Variants in SH2D3A observed in about 807,000 individuals in gnomAD.
The protein encoded by SH2D3A is SH2 domain-containing protein 3A.
In SH2D3A, 46 loss-of-function variants were observed where a neutral mutation model predicts 50.6. The ratio of observed to expected loss-of-function variants is 0.91; its 90% CI spans 0.72 to 1.16. The LOEUF (loss-of-function observed/expected upper bound fraction) is 1.16, where lower values mean the gene tolerates loss of function less well. Among genes scored for constraint, SH2D3A ranks in the 50% most tolerant of loss-of-function variants. The pLI is 0.00. For missense variants in SH2D3A, 783 were observed against 786.2 expected, an observed-to-expected ratio of 1.00 and a Z score of 0.05; for synonymous variants, 377 against 348.4, an observed-to-expected ratio of 1.08 and a Z score of -0.91.
rs1036351117 is a variant in SH2D3A at position 6,761,326 on chromosome 19, T to C, written c.70-339A>G. 2.0e-5 allele frequency among the ~76,000 whole-genome samples: 3 copies of C among 152,310 alleles called. No homozygotes were observed. The South Asian group carries it at 6.2e-4, about 32-fold the overall frequency. On this transcript the variant is annotated intron_variant, in intron 2 of 9. Transcript: ENST00000245908. ...GTTGTGTCCCCTGTCTGTCAGCTGA[T>C]ATCCCCCAAAGCCCAGAGGGATGAC...
intron 4 of SH2D3A, among the ~76,000 whole-genome samples, chr19:6,756,876 C>T (rs1969711717): frequency 6.6e-6 from 1 of 151,794 alleles, no homozygotes; most frequent in Admixed American, 6.6e-5. Flanking sequence ...TCCTTCCTTC[C>T]TTTCTTTTCT....
At chr19:6,762,778 CA>C in intron 2 of SH2D3A, among the ~76,000 whole-genome samples, 1 of 151,772 alleles carries the variant, frequency 6.6e-6, no homozygotes, top group East Asian at 1.9e-4. Context: ...CTCAGCCTCC[CA>C]AAGTGCTGGG....
intron 9 of SH2D3A, 53 bp from the exon 10 acceptor site, chr19:6,752,806 C>T: frequency 2.1e-6 from 3 of 1,460,692 alleles, no homozygotes; most frequent in South Asian, 1.4e-5. Context: ...CCGCCTCGCC[C>T]CTCCCAACCT....
intron 1 of SH2D3A, among the ~76,000 whole-genome samples, chr19:6,766,037 C>T (rs1970289520): frequency 1.3e-5 from 2 of 152,194 alleles, no homozygotes; most frequent in African/African-American, 4.8e-5. Flanking sequence ...GCTCTCCCTG[C>T]AGCCCTGCAA....
rs1347170069 is a variant in SH2D3A at position 6,759,641 on chromosome 19, G to T, written c.449C>A (p.Ala150Glu). Residue 150 changes from alanine to glutamate, a missense_variant, in exon 4 of 10, where the codon GCA (alanine) becomes GAA (glutamate). By Grantham distance (107) the Ala-to-Glu change is moderately radical. Transcript: ENST00000245908. ...TGACCGCCCCATATGTGCCAAATCT[G>T]CAGGCTGACTGTTGCTCCACTTCCT... is the stretch of plus-strand genomic sequence containing the variant. ...RARKWSNSQP[A>E]DLAHMGRSRE... 1.9e-6 allele frequency: 3 copies of T among 1,613,768 alleles called. No individual in the cohort carries two copies. In the African/African-American group the frequency reaches 4.0e-5, roughly 22 times the overall value.
chr19:6,756,714 C>G (rs1969700676), intron 4 of SH2D3A, among the ~76,000 whole-genome samples: 1 of 151,916 alleles, frequency 6.6e-6, no homozygotes, highest in African/African-American at 2.4e-5. Flanking sequence ...CCAACAGTGC[C>G]TGGCTCACTC....
chr19:6,763,607 G>A, intron 2 of SH2D3A, 73 bp downstream of exon 2: 1 of 1,437,510 alleles, frequency 7.0e-7, no homozygotes, highest in Non-Finnish European at 9.6e-7. Context: ...CTCATCCAGG[G>A]ACCCAGGAAT....
intron 4 of SH2D3A, chr19:6,758,289 TTTTG>T (rs914311285): frequency 7.8e-5 from 12 of 153,830 alleles, no homozygotes; most frequent in Non-Finnish European, 1.3e-4. Context: ...CCTTACTGTT[TTTTG>T]TTTGTTTGTT....
rs757172703 is a variant in SH2D3A at position 6,755,239 on chromosome 19, C to G, written c.573G>C (p.Leu191=). The G allele has an allele frequency of 6.5e-7, 1 of 1,533,330 alleles. No homozygotes were observed. The allele number at this position is 1,533,330 out of a possible 1,614,324, so 95.0% of individuals were successfully genotyped here. A position where few individuals can be genotyped will look rare whatever the true frequency, so the allele number is the denominator to read the frequency against. Residue 191 remains leucine (L), a synonymous_variant, in exon 5 of 10, where the codon CTG becomes CTC. Coordinates refer to ENST00000245908, the MANE Select transcript of SH2D3A (RefSeq NM_005490.3). ...DPVLLKAPAP[L]GTVADSLRAS... ...CCCTGAGACTGTCGGCAACAGTTCC[C>G]AGGGGAGCAGGGGCCTTCAGCAACA...
At chr19:6,761,809 C>T (rs1040547857) in intron 2 of SH2D3A, among the ~76,000 whole-genome samples, 5 of 151,716 alleles carry the variant, frequency 3.3e-5, no homozygotes, top group East Asian at 1.9e-4. Context: ...ATTAGCTGAG[C>T]GTGGTGGTGT....
intron 4 of SH2D3A, 75 bp from the exon 5 acceptor site, chr19:6,755,390 C>T (rs1026841335): frequency 8.7e-6 from 9 of 1,030,306 alleles, no homozygotes; most frequent in African/African-American, 1.6e-5. Context: ...AGAGCTTCAT[C>T]GGCTACCACC....
At chr19:6,756,111 A>T (rs1036842601) in intron 4 of SH2D3A, among the ~76,000 whole-genome samples, 1 of 149,166 alleles carries the variant, frequency 6.7e-6, no homozygotes, top group Non-Finnish European at 1.5e-5. Context: ...CAATTAAGTG[A>T]TATATCTCTC....
intron 1 of SH2D3A, among the ~76,000 whole-genome samples, chr19:6,766,761 C>T (rs191939590): frequency 4.3e-4 from 65 of 152,286 alleles, no homozygotes; most frequent in Middle Eastern, 3.4e-3. Context: ...GAAGACAGAC[C>T]ATTTCTAAGA....
chr19:6,754,903 A>C lies in SH2D3A; in HGVS notation c.909T>G (p.His303Gln). The change falls in exon 5 of 10, where the codon CAT (histidine) becomes CAG (glutamine). Residue 303 changes from histidine (H) to glutamine (Q), a missense_variant. His to Gln is a conservative substitution (Grantham distance 24, BLOSUM62 0). Coordinates refer to ENST00000245908, the MANE Select transcript of SH2D3A (RefSeq NM_005490.3). Reference protein sequence around the residue: ...QNRPLEPQVLHTLRGLFLEHH... With the variant: ...QNRPLEPQVLQTLRGLFLEHH... ...GCTCCAGGAACAGGCCACGGAGGGT[A>C]TGCAGGACTTGGGGTTCCAGGGGCC... The C allele has an allele frequency of 6.2e-7, 1 of 1,609,192 alleles. No individual in the cohort carries two copies. Among genetic ancestry groups the C allele is most frequent in the Non-Finnish European group, 8.5e-7 (1 of 1,177,036 alleles).
At chr19:6,760,119 A>G (rs547287041) in intron 3 of SH2D3A, among the ~76,000 whole-genome samples, 2 of 152,258 alleles carry the variant, frequency 1.3e-5, no homozygotes, top group South Asian at 4.1e-4. Flanking sequence ...TCATGCCTGT[A>G]ATCCCAGCAC....
chr19:6,754,822 GT>G lies in SH2D3A; in HGVS notation c.981+8del. 1.2e-6 allele frequency: 2 copies of G among 1,608,516 alleles called. No homozygotes were observed. The highest frequency in any genetic ancestry group is 1.7e-6 in the Non-Finnish European group (2 of 1,176,222). On this transcript the variant is annotated splice_region_variant and intron_variant, in intron 5 of 9. Transcript: ENST00000245908. Reference sequence around the variant, plus strand: ...GGCCTGGGGAGGAGCATCCCAGGAGGTGACCCACCTGGCAGTCTACCAATAG... The same window carrying G: ...GGCCTGGGGAGGAGCATCCCAGGAGGGACCCACCTGGCAGTCTACCAATAG...
chr19:6,757,166 T>G (rs890083519), intron 4 of SH2D3A, among the ~76,000 whole-genome samples: 1 of 151,870 alleles, frequency 6.6e-6, no homozygotes, highest in Non-Finnish European at 1.5e-5. Context: ...GGACTATTAG[T>G]ACTTAAAACT....
chr19:6,760,662 C>T lies in SH2D3A; in HGVS notation c.395G>A (p.Gly132Asp), dbSNP rs2144622471. Residue 132 changes from glycine (G) to aspartate (D), a missense_variant, in exon 3 of 10, where the codon GGC becomes GAC. Gly to Asp is a moderately conservative substitution (Grantham distance 94). Transcript: ENST00000245908. ...CCTGAGAGGCTCTATCCGAGCTGGG[C>T]CATCCATCAGGGTGTCCTCGCTAAA... is the stretch of plus-strand genomic sequence containing the variant. ...RSFSEDTLMD[G>D]PARIEPLRAR... 6.3e-7 allele frequency: 1 copy of T among 1,595,462 alleles called. No individual in the cohort carries two copies.
At chr19:6,763,911 T>A in intron 1 of SH2D3A, 95 bp from the exon 2 acceptor site, 1 of 365,576 alleles carries the variant, frequency 2.7e-6, no homozygotes, top group Non-Finnish European at 4.9e-6. Context: ...AAATCTTTTT[T>A]TTTTTTTTTT....
Sources: gnomAD v4.1 joint callset for allele counts (sites outside exome capture counted in the v4.1 genomes callset) on GRCh38, gnomAD v4.1.1 for gene constraint, MANE v1.5 for transcripts, NCBI Gene and HGNC (gene_info 2026-07-23, HGNC 2026-07-21) for gene names.